PCDHGB5: variants seen among roughly 807,000 people sequenced by gnomAD.
The protein encoded by PCDHGB5 is protocadherin gamma subfamily B, 5.
In PCDHGB5, 48 loss-of-function variants were observed where a neutral mutation model predicts 62.9. The observed-to-expected ratio is 0.76, with a 90% CI of 0.61 to 0.97. The LOEUF is 0.97. Ranked by LOEUF, PCDHGB5 falls within the 50% of genes least tolerant of loss-of-function variation. The probability of loss-of-function intolerance (pLI) is 0.00; values close to 1 mark genes in which losing one functional copy is unlikely to be tolerated. For synonymous variants in PCDHGB5, 474 were observed against 511.2 expected (o/e 0.93, Z 0.98); for missense variants, 1,118 against 1,198.6 (o/e 0.93, Z 0.99).
chr5:141,400,734 G>A, intron 1 of PCDHGB5: 1 of 634,548 alleles, frequency 1.6e-6, no homozygotes, highest in Non-Finnish European at 2.7e-6. Flanking sequence ...AAAGTAGTGA[G>A]AGTTTGCTCT....
chr5:141,409,129 T>G (rs781711972), intron 1 of PCDHGB5: 5 of 1,613,856 alleles, frequency 3.1e-6, no homozygotes, highest in Non-Finnish European at 4.2e-6. Flanking sequence ...CATTTGATTT[T>G]GAAGATGTAG....
intron 1 of PCDHGB5, among the ~76,000 whole-genome samples, chr5:141,471,744 A>G (rs2099263733): frequency 6.6e-6 from 1 of 152,208 alleles, no homozygotes; most frequent in South Asian, 2.1e-4. Context: ...GAGACATAAC[A>G]TATTTGAGGG....
At chr5:141,502,406 T>G (rs1390520101) in intron 2 of PCDHGB5, among the ~76,000 whole-genome samples, 1 of 152,072 alleles carries the variant, frequency 6.6e-6, no homozygotes, top group African/African-American at 2.4e-5. Context: ...TCCCCGAACC[T>G]GGATTTGCTG....
At position 141,476,251 on chromosome 5, in the gene PCDHGB5, C is replaced by T; in HGVS notation, c.2398-18556C>T. On this transcript the variant is annotated intron_variant, in intron 1 of 3. Coordinates refer to ENST00000617380, the MANE Select transcript of PCDHGB5 (RefSeq NM_018925.3). This position sits in a 1 kb window ranked among gnomAD's most constrained non-coding sequence, Gnocchi z 7.6. The stretch of plus-strand genomic sequence containing the variant: ...TCCCGGAGGAAAGAGAGAAGGGTTT[C>T]GCTGTGGGCAACGTGGTCGCGAACC... 1 of 1,613,866 alleles carries T rather than the reference C, an allele frequency of 6.2e-7. No homozygotes were observed. The highest frequency in any genetic ancestry group is 8.5e-7 in the Non-Finnish European group (1 of 1,179,978).
chr5:141,431,702 T>C lies in PCDHGB5; in HGVS notation c.2397+31178T>C, dbSNP rs1349630251. The C allele has an allele frequency of 5.6e-6, 9 of 1,614,110 alleles. No individual in the cohort carries two copies. In the East Asian group the frequency reaches 8.9e-5, roughly 16 times the overall value. Reference sequence around the variant, plus strand: ...GTTGGACCACGAGGAGTCAGGATTCTACCAGATGGAAGTGCAAGCAATGGA... The same window carrying C: ...GTTGGACCACGAGGAGTCAGGATTCCACCAGATGGAAGTGCAAGCAATGGA... On this transcript the variant is annotated intron_variant, in intron 1 of 3. Transcript: ENST00000617380. This position sits in a 1 kb window ranked among gnomAD's most constrained non-coding sequence, Gnocchi z 4.8.
At chr5:141,453,001 G>C (rs1225973632) in intron 1 of PCDHGB5, among the ~76,000 whole-genome samples, 3 of 152,168 alleles carry the variant, frequency 2.0e-5, no homozygotes, top group African/African-American at 7.2e-5. Flanking sequence ...AAAGTTACCT[G>C]TAGTATAGTT....
At chr5:141,402,096 A>G (rs1343417374) in intron 1 of PCDHGB5, among the ~76,000 whole-genome samples, 2 of 152,226 alleles carry the variant, frequency 1.3e-5, no homozygotes, top group Non-Finnish European at 2.9e-5. Context: ...GAAAAGTTTA[A>G]GCAATTACAA....
At chr5:141,494,708 C>T (rs1481947557) in intron 1 of PCDHGB5, 99 bp from the exon 2 acceptor site, 2 of 1,599,566 alleles carry the variant, frequency 1.3e-6, no homozygotes, top group Non-Finnish European at 1.7e-6. Flanking sequence ...CTTCTCTGTG[C>T]CCACTCCCCT....
At chr5:141,408,812 G>T (rs1383299883) in intron 1 of PCDHGB5, 2 of 1,613,454 alleles carry the variant, frequency 1.2e-6, no homozygotes, top group Non-Finnish European at 8.5e-7. Context: ...AGACCGGGAA[G>T]AACAGAGATC....
chr5:141,420,980 C>T (rs1463868271), intron 1 of PCDHGB5: 1 of 484,260 alleles, frequency 2.1e-6, no homozygotes, highest in Non-Finnish European at 3.6e-6. Flanking sequence ...AGAATGGGCT[C>T]TAGGCGCCGC....
intron 1 of PCDHGB5, chr5:141,422,827 A>T: frequency 6.2e-7 from 1 of 1,614,208 alleles, no homozygotes; most frequent in Non-Finnish European, 8.5e-7. Context: ...ACTGAGAGTG[A>T]TAGCACGTGA....
chr5:141,477,469 T>C lies in PCDHGB5; in HGVS notation c.2398-17338T>C, dbSNP rs2099411540. ...TGCGTGTTCAAGTGTCCGACATCAA[T>C]GACAACCCTCCACAATCTTCTCAAT... On this transcript the variant is annotated intron_variant, in intron 1 of 3. Coordinates refer to ENST00000617380, the MANE Select transcript of PCDHGB5 (RefSeq NM_018925.3). The surrounding 1 kb of genome is among the most constrained non-coding windows in gnomAD (Gnocchi z 4.9). 6.2e-7 allele frequency: 1 copy of C among 1,614,028 alleles called. No homozygotes were observed. Among genetic ancestry groups the C allele is most frequent in the South Asian group, 1.1e-5 (1 of 91,078 alleles).
chr5:141,403,974 A>G (rs1351754228), intron 1 of PCDHGB5: 1 of 1,613,872 alleles, frequency 6.2e-7, no homozygotes, highest in African/African-American at 1.3e-5. Flanking sequence ...GAAGATGTAA[A>G]TGACAATAGA....
rs1594951324 is a variant in PCDHGB5, at chr5:141,490,871, T to G, written c.2398-3936T>G. 6.2e-7 allele frequency: 1 copy of G among 1,613,918 alleles called. No individual in the cohort carries two copies. The highest frequency in any genetic ancestry group is 8.5e-7 in the Non-Finnish European group (1 of 1,179,944). On this transcript the variant is annotated intron_variant, in intron 1 of 3. Coordinates refer to ENST00000617380, the MANE Select transcript of PCDHGB5 (RefSeq NM_018925.3). This position sits in a 1 kb window ranked among gnomAD's most constrained non-coding sequence, Gnocchi z 5.4. ...GTTCGAGACTCCGGCTCTCCCCCAT[T>G]GCATGCCAACACATCTCTGCATGTG...
intron 1 of PCDHGB5, chr5:141,441,973 C>T (rs1457832429): frequency 6.7e-6 from 2 of 296,542 alleles, no homozygotes; most frequent in Admixed American, 4.4e-5. Context: ...GCTCTTCAGC[C>T]TGGAATGCGC....
Position 141,431,704 on chromosome 5 carries a change from C to T in PCDHGB5, c.2397+31180C>T. On this transcript the variant is annotated intron_variant, in intron 1 of 3. Transcript: ENST00000617380. The surrounding 1 kb of genome is among the most constrained non-coding windows in gnomAD (Gnocchi z 4.8). ...TGGACCACGAGGAGTCAGGATTCTA[C>T]CAGATGGAAGTGCAAGCAATGGATA... 1 of 1,614,194 alleles carries T rather than the reference C, an allele frequency of 6.2e-7. No homozygotes were observed. The highest frequency in any genetic ancestry group is 8.5e-7 in the Non-Finnish European group (1 of 1,180,036).
Position 141,511,042 on chromosome 5 carries a change from G to C in PCDHGB5, c.2641G>C (p.Asp881His), listed in dbSNP as rs774071540. Residue 881 changes from aspartate (D) to histidine (H), a missense_variant, in exon 4 of 4, where the codon GAC becomes CAC. Transcript: ENST00000617380. Reference sequence around the variant, plus strand: ...CCAGTTCACCCTGCAGCACGTGCCCGACTACCGCCAGAATGTCTACATCCC... The same window carrying C: ...CCAGTTCACCCTGCAGCACGTGCCCCACTACCGCCAGAATGTCTACATCCC... ...GPQFTLQHVP[D>H]YRQNVYIPGS... 6.2e-7 allele frequency: 1 copy of C among 1,614,182 alleles called. No homozygotes were observed. Among genetic ancestry groups the C allele is most frequent in the South Asian group, 1.1e-5 (1 of 91,084 alleles).
At chr5:141,413,687 T>A (rs1470256826) in intron 1 of PCDHGB5, 5 of 1,613,666 alleles carry the variant, frequency 3.1e-6, no homozygotes, top group Non-Finnish European at 3.4e-6. Flanking sequence ...GTGAACTCCC[T>A]GCAGAGCTAT....
Position 141,489,515 on chromosome 5 carries a change from G to C in PCDHGB5, c.2398-5292G>C, listed in dbSNP as rs983415025. On this transcript the variant is annotated intron_variant, in intron 1 of 3. Coordinates refer to ENST00000617380, the MANE Select transcript of PCDHGB5 (RefSeq NM_018925.3). The surrounding 1 kb of genome is among the most constrained non-coding windows in gnomAD (Gnocchi z 4.5). ...CTGGCAGTGAATCAAAAGATTGACC[G>C]AGAAAGCCTATGTGGAGCCAGCACC... 1 of 1,614,104 alleles carries C rather than the reference G, an allele frequency of 6.2e-7. No individual in the cohort carries two copies. The highest frequency in any genetic ancestry group is 8.5e-7 in the Non-Finnish European group (1 of 1,180,034).
Sources: gnomAD v4.1 joint callset for allele counts (sites outside exome capture counted in the v4.1 genomes callset) on GRCh38, gnomAD v4.1.1 for gene constraint, Gnocchi (gnomAD v3.1) non-coding constraint, MANE v1.5 for transcripts, NCBI Gene and HGNC (gene_info 2026-07-23, HGNC 2026-07-21) for gene names.